ZMYND8: variants seen among roughly 807,000 people sequenced by gnomAD.
The protein encoded by ZMYND8 is zinc finger MYND-type containing 8, also known as MYND-type zinc finger-containing chromatin reader ZMYND8.
Under a neutral mutation model 140.8 loss-of-function variants are expected in ZMYND8, and 37 were observed. The observed-to-expected ratio is 0.26, with a 90% confidence interval of 0.20 to 0.35. The LOEUF is 0.35. Ranked by LOEUF, ZMYND8 falls within the 10% of genes least tolerant of loss-of-function variation. The pLI is 1.00. For synonymous variants in ZMYND8, 592 were observed against 597.1 expected (o/e 0.99, Z 0.12); for missense variants, 1,068 against 1,570.0 (o/e 0.68, Z 5.40).
At chr20:47,225,378 T>C (rs1043490597) in intron 18 of ZMYND8, among the ~76,000 whole-genome samples, 3 of 151,402 alleles carry the variant, frequency 2.0e-5, no homozygotes, top group Non-Finnish European at 4.4e-5. Context: ...CTGGCCAACA[T>C]GGTGAAACCC....
At chr20:47,305,721 T>G (rs2078431038) in intron 3 of ZMYND8, among the ~76,000 whole-genome samples, 1 of 152,176 alleles carries the variant, frequency 6.6e-6, no homozygotes, top group African/African-American at 2.4e-5. Flanking sequence ...TTGCTATATT[T>G]GATCAAAGAT....
At chr20:47,212,492 A>G in intron 22 of ZMYND8, 150 bp downstream of exon 22, 1 of 850,232 alleles carries the variant, frequency 1.2e-6, no homozygotes. Context: ...GGCACAGCGA[A>G]GAAGAAACGT....
chr20:47,243,585 T>C (rs1469072322), intron 14 of ZMYND8, among the ~76,000 whole-genome samples: 2 of 152,258 alleles, frequency 1.3e-5, no homozygotes, highest in African/African-American at 2.4e-5. Flanking sequence ...ACTCTGAAGA[T>C]TGAAATAGTA....
At chr20:47,290,583 GTTTTTTT>G (rs71183240) in intron 6 of ZMYND8, among the ~76,000 whole-genome samples, 167 of 64,122 alleles carry the variant, frequency 2.6e-3, no homozygotes, top group African/African-American at 0.011. Context: ...TATTTATTTA[GTTTTTTT>G]TTTTTTTTTT....
chr20:47,219,343 A>T (rs568807457), intron 21 of ZMYND8, among the ~76,000 whole-genome samples: 1 of 151,746 alleles, frequency 6.6e-6, no homozygotes, highest in East Asian at 2.0e-4. Context: ...GGCATGAGCC[A>T]CTGCGCCCGG....
intron 1 of ZMYND8, chr20:47,348,136 T>A: frequency 1.7e-6 from 1 of 576,036 alleles, no homozygotes; most frequent in Non-Finnish European, 3.1e-6. Context: ...TTTTTTTTTT[T>A]AAGTCAAATT....
chr20:47,304,594 A>G (rs1270628306), intron 3 of ZMYND8, among the ~76,000 whole-genome samples: 1 of 152,260 alleles, frequency 6.6e-6, no homozygotes, highest in Non-Finnish European at 1.5e-5. Context: ...TGAGGACCAT[A>G]GACTCCAGTT....
chr20:47,251,566 GAGC>G (rs1236620765), intron 12 of ZMYND8, among the ~76,000 whole-genome samples: 1 of 150,444 alleles, frequency 6.6e-6, no homozygotes, highest in African/African-American at 2.5e-5. Context: ...CAGCCTGGGT[GAGC>G]AAGATCCTGT....
intron 10 of ZMYND8, among the ~76,000 whole-genome samples, chr20:47,278,049 T>C (rs2076365887): frequency 6.6e-6 from 1 of 152,114 alleles, no homozygotes; most frequent in African/African-American, 2.4e-5. Context: ...CAAGGCTCAC[T>C]ACAGCCTCAA....
intron 4 of ZMYND8, among the ~76,000 whole-genome samples, chr20:47,295,720 A>AT (rs1341931819): frequency 6.6e-6 from 1 of 152,250 alleles, no homozygotes; most frequent in Non-Finnish European, 1.5e-5. Context: ...TGGGTAATAG[A>AT]TATCAGCTCC....
intron 3 of ZMYND8, among the ~76,000 whole-genome samples, chr20:47,302,206 G>A (rs1478265578): frequency 9.7e-4 from 1 of 1,030 alleles, no homozygotes; most frequent in East Asian, 0.071. Flanking sequence ...GCCAGGCGTG[G>A]TGGCACGCCT....
At chr20:47,330,737 ATGCTG>A (rs1236032095) in intron 2 of ZMYND8, among the ~76,000 whole-genome samples, 1 of 152,216 alleles carries the variant, frequency 6.6e-6, no homozygotes, top group African/African-American at 2.4e-5. Flanking sequence ...CACTGGATTA[ATGCTG>A]AAAACAAAGC....
chr20:47,290,327 T>C, intron 6 of ZMYND8, 53 bp from the exon 7 acceptor site: 2 of 1,512,174 alleles, frequency 1.3e-6, no homozygotes, highest in Non-Finnish European at 1.8e-6. Flanking sequence ...CAAGCCACAG[T>C]CAGTGACTCT....
intron 2 of ZMYND8, among the ~76,000 whole-genome samples, chr20:47,326,322 G>A (rs769966711): frequency 2.0e-5 from 3 of 152,014 alleles, no homozygotes; most frequent in Non-Finnish European, 2.9e-5. Context: ...GGCTGGTCTC[G>A]AACTCCTGAC....
chr20:47,239,283 G>A, intron 14 of ZMYND8, 145 bp from the exon 15 acceptor site: 3 of 1,120,446 alleles, frequency 2.7e-6, no homozygotes, highest in Non-Finnish European at 2.4e-6. Flanking sequence ...CACCGCGCTG[G>A]AGGAGTACAT....
At chr20:47,250,463 T>C (rs563144569) in intron 12 of ZMYND8, among the ~76,000 whole-genome samples, 1 of 152,208 alleles carries the variant, frequency 6.6e-6, no homozygotes, top group East Asian at 1.9e-4. Flanking sequence ...AGAAAGCAGG[T>C]GGAATCCAAT....
intron 20 of ZMYND8, 89 bp downstream of exon 20, chr20:47,221,225 G>C: frequency 6.6e-7 from 1 of 1,526,152 alleles, no homozygotes; most frequent in Non-Finnish European, 8.9e-7. Flanking sequence ...CCCACAACAC[G>C]GAACTTTCAG....
chr20:47,264,033 C>T (rs1294931723), intron 11 of ZMYND8, among the ~76,000 whole-genome samples: 1 of 152,062 alleles, frequency 6.6e-6, no homozygotes, highest in African/African-American at 2.4e-5. Context: ...AGCTAGAGAC[C>T]AAAACGCTGC....
chr20:47,347,989 T>C (rs768448736), intron 1 of ZMYND8, 63 bp from the exon 2 acceptor site: 1 of 1,527,258 alleles, frequency 6.5e-7, no homozygotes, highest in Non-Finnish European at 9.0e-7. Flanking sequence ...TGGGGGCAGC[T>C]ATTTGGAAGT....
Sources: allele counts gnomAD v4.1 joint callset (sites outside exome capture counted in the v4.1 genomes callset), GRCh38; gene constraint gnomAD v4.1.1; transcripts MANE v1.5; gene names NCBI Gene and HGNC (gene_info 2026-07-23, HGNC 2026-07-21).